ZFHX2: variants seen among roughly 807,000 people sequenced by gnomAD.
ZFHX2 encodes the protein zinc finger homeobox protein 2.
In ZFHX2, 75 loss-of-function variants were observed where a neutral mutation model predicts 164.8. The observed-to-expected ratio is 0.46, with a 90% CI of 0.38 to 0.55. The LOEUF (loss-of-function observed/expected upper bound fraction) is 0.55, where lower values mean the gene tolerates loss of function less well. Ranked by LOEUF, ZFHX2 falls within the 20% of genes least tolerant of loss-of-function variation. ZFHX2 has a pLI of 0.00. For synonymous variants in ZFHX2, 1,217 were observed against 1,351.4 expected (o/e 0.90, Z 2.18); for missense variants, 2,933 against 3,308.0 (o/e 0.89, Z 2.78).
upstream of ZFHX2, among the ~76,000 whole-genome samples, chr14:23,555,328 C>T (rs1256603630): frequency 6.6e-6 from 1 of 152,124 alleles, no homozygotes; most frequent in Non-Finnish European, 1.5e-5. Flanking sequence ...ATAAGTAGTT[C>T]TACACCTGAC....
rs374175851 is a variant in ZFHX2, at chr14:23,524,921, C to T, written c.5021G>A (p.Arg1674His). ...AACACAGGAGAAAGTGGCGTGGCAACGCCTGCAGCCGGAGGCTCCCCCAGT... is the reference window on the plus strand; with the variant it reads ...AACACAGGAGAAAGTGGCGTGGCAATGCCTGCAGCCGGAGGCTCCCCCAGT... ...GGTGGASGCR[R>H]CHATFSCVFE... The change falls in exon 9 of 10, where the codon CGT (arginine) becomes CAT (histidine). Residue 1674 changes from arginine (R) to histidine (H), a missense_variant. Arg to His is a conservative substitution (Grantham distance 29, BLOSUM62 0). Transcript: ENST00000419474. The surrounding 1 kb of genome is among the most constrained non-coding windows in gnomAD (Gnocchi z 5.6). The T allele has an allele frequency of 7.9e-5, 121 of 1,536,258 alleles. No homozygotes were observed. Among genetic ancestry groups the T allele is most frequent in the African/African-American group, 3.6e-4 (26 of 73,172 alleles).
Position 23,522,069 on chromosome 14 carries a change from C to A in ZFHX2, c.7612G>T (p.Ala2538Ser). The change falls in exon 10 of 10, where the codon GCC becomes TCC. Residue 2538 changes from alanine to serine, a missense_variant. Physicochemically the swap from Ala to Ser is moderately conservative, Grantham distance 99. Coordinates refer to ENST00000419474, the MANE Select transcript of ZFHX2 (RefSeq NM_033400.3). The part of the protein sequence containing the change: ...GGPPISITNA[A>S]TAASAAVAFA... ...GCCACAGCAGCCGAGGCAGCAGTGG[C>A]GGCGTTGGTGATGGAGATGGGTGGG... 4 of 1,536,280 alleles carry A rather than the reference C, an allele frequency of 2.6e-6. No homozygotes were observed. Among genetic ancestry groups the A allele is most frequent in the Non-Finnish European group, 3.5e-6 (4 of 1,146,852 alleles).
At position 23,525,515 on chromosome 14, in the gene ZFHX2, C is replaced by A; in HGVS notation, c.4427G>T (p.Gly1476Val). 6.5e-7 allele frequency: 1 copy of A among 1,535,722 alleles called. No individual in the cohort carries two copies. Among genetic ancestry groups the A allele is most frequent in the South Asian group, 1.2e-5 (1 of 84,042 alleles). ...GGCCCCACAGGCCAGCTTGTCCCCACCCCCGAGGGCCTCAGGTGGGGGTGG... is the reference window on the plus strand; with the variant it reads ...GGCCCCACAGGCCAGCTTGTCCCCAACCCCGAGGGCCTCAGGTGGGGGTGG... ...PTPPPPEALG[G>V]GDKLACGACG... Residue 1476 changes from glycine to valine, a missense_variant, in exon 9 of 10, where the codon GGT (glycine) becomes GTT (valine). Gly to Val is a moderately radical substitution (Grantham distance 109). Transcript: ENST00000419474. The surrounding 1 kb of genome is among the most constrained non-coding windows in gnomAD (Gnocchi z 5.9).
At chr14:23,530,454 C>T (rs1294701139) in intron 4 of ZFHX2, 3 of 650,614 alleles carry the variant, frequency 4.6e-6, no homozygotes, top group South Asian at 3.0e-5. Context: ...AGAAGTCCAG[C>T]AGTAGACAGC....
rs762697412 is a variant in ZFHX2, at chr14:23,522,582, G to C, written c.7099C>G (p.Gln2367Glu). 6.5e-7 allele frequency: 1 copy of C among 1,528,044 alleles called. No individual in the cohort carries two copies. The highest frequency in any genetic ancestry group is 1.2e-5 in the South Asian group (1 of 83,402). 94.7% of individuals were successfully genotyped at this position (1,528,044 alleles called of 1,614,324 possible). A position where few individuals can be genotyped will look rare whatever the true frequency, so the allele number is the denominator to read the frequency against. Residue 2367 changes from glutamine to glutamate, a missense_variant, in exon 10 of 10, where the codon CAG becomes GAG. Coordinates refer to ENST00000419474, the MANE Select transcript of ZFHX2 (RefSeq NM_033400.3). Reference sequence around the variant, plus strand: ...TAGAGCTGTTGGAAGTAGGCCCCCTGTAGCTGGGGGCCAAAGACAGCTGGC... The same window carrying C: ...TAGAGCTGTTGGAAGTAGGCCCCCTCTAGCTGGGGGCCAAAGACAGCTGGC... The part of the protein sequence containing the change: ...APPAVFGPQL[Q>E]GAYFQQLYGM...
Position 23,535,390 on chromosome 14 carries a change from G to C in ZFHX2, c.-49-16C>G. On this transcript the variant is annotated splice_polypyrimidine_tract_variant and intron_variant, in intron 1 of 9. Coordinates refer to ENST00000419474, the MANE Select transcript of ZFHX2 (RefSeq NM_033400.3). The surrounding 1 kb of genome is among the most constrained non-coding windows in gnomAD (Gnocchi z 4.5). ...AGCCAGTACCCTGTAGGGAGACAAGGAGAGAGCAGTGCTGTGAGGCTGCAG... is the reference window on the plus strand; with the variant it reads ...AGCCAGTACCCTGTAGGGAGACAAGCAGAGAGCAGTGCTGTGAGGCTGCAG... 7.0e-7 allele frequency: 1 copy of C among 1,430,212 alleles called. No homozygotes were observed. Among genetic ancestry groups the C allele is most frequent in the Non-Finnish European group, 9.1e-7 (1 of 1,094,696 alleles). 88.6% of individuals were successfully genotyped at this position (1,430,212 alleles called of 1,614,324 possible). A position where few individuals can be genotyped will look rare whatever the true frequency, so the allele number is the denominator to read the frequency against.
chr14:23,542,047 C>G (rs191199645), intron 1 of ZFHX2: 4 of 152,190 alleles, frequency 2.6e-5, no homozygotes, highest in Admixed American at 1.3e-4. Context: ...AAAGAAAGAT[C>G]GCTAAGGCAG....
intron 4 of ZFHX2, chr14:23,530,728 G>A (rs1056617682): frequency 1.6e-4 from 50 of 309,306 alleles, no homozygotes; most frequent in Admixed American, 1.4e-3. Context: ...CGCCAGGATC[G>A]TTAGCTATTG....
chr14:23,526,980 T>A lies in ZFHX2; in HGVS notation c.3136-7A>T. ...TCATTTCTACAGTTGTAGCCTGCAA[T>A]GAGAAAAAGCCTAGTGGCTTCACCA... On this transcript the variant is annotated splice_polypyrimidine_tract_variant and splice_region_variant and intron_variant, in intron 7 of 9. Coordinates refer to ENST00000419474, the MANE Select transcript of ZFHX2 (RefSeq NM_033400.3). The A allele has an allele frequency of 1.3e-6, 2 of 1,502,642 alleles. No homozygotes were observed. Among genetic ancestry groups the A allele is most frequent in the South Asian group, 1.3e-5 (1 of 77,912 alleles). 93.1% of individuals were successfully genotyped at this position (1,502,642 alleles called of 1,614,324 possible).
chr14:23,555,501 T>C (rs1882288190), upstream of ZFHX2, among the ~76,000 whole-genome samples: 1 of 152,092 alleles, frequency 6.6e-6, no homozygotes, highest in South Asian at 2.1e-4. Context: ...TCCATCTAGG[T>C]CTCCAACTGT....
intron 1 of ZFHX2, among the ~76,000 whole-genome samples, chr14:23,537,447 C>T (rs1648862441): frequency 6.6e-6 from 1 of 152,146 alleles, no homozygotes; most frequent in Non-Finnish European, 1.5e-5. Flanking sequence ...CTACCTCTAA[C>T]CCTCACCTTC....
Position 23,521,324 on chromosome 14 carries a change from G to A in ZFHX2, c.*638C>T, listed in dbSNP as rs1877954944. The stretch of plus-strand genomic sequence containing the variant: ...CATGCCAGCCTCCAGTTTGGTTAGA[G>A]TTTTGTGGGCTCCCTGCCCATGCCA... On this transcript the variant is annotated 3_prime_UTR_variant, in exon 10 of 10. Coordinates refer to ENST00000419474, the MANE Select transcript of ZFHX2 (RefSeq NM_033400.3). The A allele has an allele frequency of 6.6e-6, 1 of 152,594 alleles. No homozygotes were observed. Among genetic ancestry groups the A allele is most frequent in the Non-Finnish European group, 1.5e-5 (1 of 68,362 alleles). The allele number at this position is 152,594 out of a possible 1,614,324, so 9.5% of individuals were successfully genotyped here.
chr14:23,547,429 A>G (rs139111177), intron 1 of ZFHX2, among the ~76,000 whole-genome samples: 4 of 152,226 alleles, frequency 2.6e-5, no homozygotes, highest in South Asian at 4.1e-4. Flanking sequence ...TTTAATTCAC[A>G]TTTGCCAACT....
chr14:23,534,639 C>T lies in ZFHX2; in HGVS notation c.687G>A (p.Gly229=), dbSNP rs1189240294. The change falls in exon 2 of 10, where the codon GGG becomes GGA. Residue 229 remains glycine, a synonymous_variant. Transcript: ENST00000419474. This position sits in a 1 kb window ranked among gnomAD's most constrained non-coding sequence, Gnocchi z 4.5. ...DPKDGPMGNS[G]GNHVAVFWLC... is the part of the protein sequence containing the mutation. ...GCCAGAAGACCGCCACGTGGTTGCC[C>T]CCGCTGTTCCCCATGGGGCCATCTT... 1.3e-6 allele frequency: 2 copies of T among 1,536,062 alleles called. No homozygotes were observed. The highest frequency in any genetic ancestry group is 1.7e-6 in the Non-Finnish European group (2 of 1,146,920).
chr14:23,527,030 C>G (rs1166267865), intron 7 of ZFHX2, 57 bp from the exon 8 acceptor site: 2 of 1,451,226 alleles, frequency 1.4e-6, no homozygotes, highest in Non-Finnish European at 1.8e-6. Flanking sequence ...CCCTATGCCA[C>G]TCCTGACCCA....
At chr14:23,555,437 C>A (rs550295285), upstream of ZFHX2, among the ~76,000 whole-genome samples, 1 of 152,226 alleles carries the variant, frequency 6.6e-6, no homozygotes, top group Admixed American at 6.5e-5. Context: ...CTTCTCCTTA[C>A]GTACCACCCA....
upstream of ZFHX2, chr14:23,555,857 G>A (rs1271789145): frequency 2.0e-5 from 3 of 152,264 alleles, no homozygotes; most frequent in African/African-American, 7.2e-5. Context: ...CCTTGCACCC[G>A]ACTCTCCCCG....
In ZFHX2 at chr14:23,535,251, C is replaced by T. The variant is rs779127107; in HGVS notation, c.75G>A (p.Ser25=). The change falls in exon 2 of 10, where the codon TCG becomes TCA. Residue 25 remains serine (S), a synonymous_variant. Coordinates refer to ENST00000419474, the MANE Select transcript of ZFHX2 (RefSeq NM_033400.3). The surrounding 1 kb of genome is among the most constrained non-coding windows in gnomAD (Gnocchi z 4.5). ...AGGGGGTGCTGGAGGAGAAGGTGTC[C>T]GAAGGCAGGGACGGGGCATTGTGCC... ...SPGHNAPSLP[S]DTFSSSTPSD... 1.9e-5 allele frequency: 29 copies of T among 1,512,042 alleles called. No individual in the cohort carries two copies. Among genetic ancestry groups the T allele is most frequent in the Admixed American group, 8.0e-5 (4 of 50,030 alleles). 93.7% of individuals were successfully genotyped at this position (1,512,042 alleles called of 1,614,324 possible).
chr14:23,552,510 C>T (rs192208851), upstream of ZFHX2, among the ~76,000 whole-genome samples: 1 of 152,202 alleles, frequency 6.6e-6, no homozygotes, highest in East Asian at 1.9e-4. Flanking sequence ...TCAAGCTGGT[C>T]TCGAACTCCT....
Sources: gnomAD v4.1 joint callset for allele counts (sites outside exome capture counted in the v4.1 genomes callset) on GRCh38, gnomAD v4.1.1 for gene constraint, Gnocchi (gnomAD v3.1) non-coding constraint, MANE v1.5 for transcripts, NCBI Gene and HGNC (gene_info 2026-07-23, HGNC 2026-07-21) for gene names.